The following RYK variants were observed in gnomAD, a reference collection of about 807,000 sequenced individuals.
RYK encodes the protein inactive tyrosine-protein kinase RYK.
In RYK, 21 loss-of-function variants were observed where a neutral mutation model predicts 70.2. That is an observed-to-expected ratio of 0.30 (90% CI 0.21 to 0.43). The LOEUF is 0.43. RYK is among the 20% of genes least tolerant of loss of function. RYK has a pLI of 1.00. For synonymous variants in RYK, 267 were observed against 278.0 expected, an observed-to-expected ratio of 0.96 and a Z score of 0.39; for missense variants, 604 against 753.3, an observed-to-expected ratio of 0.80 and a Z score of 2.32.
At chr3:134,238,837 C>G (rs2015251272) in intron 1 of RYK, among the ~76,000 whole-genome samples, 1 of 152,120 alleles carries the variant, frequency 6.6e-6, no homozygotes, top group South Asian at 2.1e-4. Context: ...GGAAAATAGA[C>G]TGGATAGGAC....
At chr3:134,180,731 G>A (rs192039138) in intron 10 of RYK, 1 of 152,250 alleles carries the variant, frequency 6.6e-6, no homozygotes, top group African/African-American at 2.4e-5. Context: ...TACAATGAAT[G>A]GAAAGAATAA....
Position 134,202,710 on chromosome 3 carries a change from T to C in RYK, c.788+20A>G. 6.2e-7 allele frequency: 1 copy of C among 1,607,700 alleles called. No individual in the cohort carries two copies. Among genetic ancestry groups the C allele is most frequent in the Non-Finnish European group, 8.5e-7 (1 of 1,178,180 alleles). On this transcript the variant is annotated intron_variant, in intron 6 of 14. Coordinates refer to ENST00000623711, the MANE Select transcript of RYK (RefSeq NM_002958.4). ...AATAACTGCTTTCATTTTTTTTCTTTCCCAAAATATGTACAATACCTGTCA... is the reference window on the plus strand; with the variant it reads ...AATAACTGCTTTCATTTTTTTTCTTCCCCAAAATATGTACAATACCTGTCA...
chr3:134,213,449 T>C (rs1014987732), intron 2 of RYK, among the ~76,000 whole-genome samples: 4 of 152,234 alleles, frequency 2.6e-5, no homozygotes, highest in African/African-American at 9.6e-5. Flanking sequence ...AGCTACCTTA[T>C]TGCCATGCTG....
At chr3:134,215,798 G>GA (rs1212650279) in intron 2 of RYK, among the ~76,000 whole-genome samples, 10 of 152,288 alleles carry the variant, frequency 6.6e-5, no homozygotes, top group East Asian at 3.9e-4. Context: ...AGCATTCTGG[G>GA]AGGTCAATGC....
chr3:134,159,914 G>C (rs1353644937), intron 13 of RYK, among the ~76,000 whole-genome samples: 2 of 152,190 alleles, frequency 1.3e-5, no homozygotes, highest in Non-Finnish European at 2.9e-5. Context: ...AAAGGAACAG[G>C]AATAGTAAAC....
At chr3:134,167,605 C>A (rs1368338718) in intron 13 of RYK, among the ~76,000 whole-genome samples, 1 of 152,124 alleles carries the variant, frequency 6.6e-6, no homozygotes, top group East Asian at 1.9e-4. Flanking sequence ...CTTCCTTACA[C>A]CTTATACAAA....
intron 2 of RYK, among the ~76,000 whole-genome samples, chr3:134,215,946 GA>G (rs1369425508): frequency 6.6e-6 from 1 of 150,888 alleles, no homozygotes; most frequent in Non-Finnish European, 1.5e-5. Flanking sequence ...TAAGGCAGGA[GA>G]ATCACTTGAA....
chr3:134,221,226 ACAGAGTCTCACTCTGTCTCC>A (rs2014727396), intron 2 of RYK, among the ~76,000 whole-genome samples: 1 of 85,684 alleles, frequency 1.2e-5, no homozygotes. Flanking sequence ...TTTTTTTGAG[ACAGAGTCTCACTCTGTCTCC>A]CAGGATGGAG....
At chr3:134,224,959 A>G (rs189176743) in intron 1 of RYK, among the ~76,000 whole-genome samples, 14 of 151,428 alleles carry the variant, frequency 9.2e-5, no homozygotes, top group African/African-American at 3.1e-4. Context: ...TAGTATAACT[A>G]TTCTTGTTCT....
intron 5 of RYK, among the ~76,000 whole-genome samples, chr3:134,205,567 G>C (rs537121335): frequency 6.6e-5 from 10 of 152,268 alleles, no homozygotes; most frequent in Non-Finnish European, 1.5e-5. Flanking sequence ...CAGAGCCAAG[G>C]ATACGGCTCT....
chr3:134,241,903 T>C (rs774501240), intron 1 of RYK, among the ~76,000 whole-genome samples: 63 of 152,266 alleles, frequency 4.1e-4, no homozygotes, highest in South Asian at 8.3e-4. Flanking sequence ...ATATGTAAAG[T>C]ACCTGGCATA....
chr3:134,182,464 T>C (rs543922661), intron 10 of RYK, among the ~76,000 whole-genome samples: 76 of 152,292 alleles, frequency 5.0e-4, no homozygotes, highest in African/African-American at 1.8e-3. Flanking sequence ...TACTGAGATG[T>C]CTAATTTATT....
At chr3:134,180,130 G>A (rs1004032827) in intron 10 of RYK, 3 of 152,118 alleles carry the variant, frequency 2.0e-5, no homozygotes, top group African/African-American at 7.2e-5. Context: ...GTCTTGTTGA[G>A]GGCGTTTGCA....
chr3:134,232,542 T>C (rs1215897750), intron 1 of RYK, among the ~76,000 whole-genome samples: 1 of 152,210 alleles, frequency 6.6e-6, no homozygotes, highest in African/African-American at 2.4e-5. Flanking sequence ...AAATTTAAAA[T>C]TCACTACCAT....
Position 134,196,579 on chromosome 3 carries a change from CAA to C in RYK, c.789-1399_789-1398del, listed in dbSNP as rs756778503. On this transcript the variant is annotated intron_variant, in intron 6 of 14. Transcript: ENST00000623711. ...ACATAGTGAGACCCTGTCTCTGAAA[CAA>C]AACACACACACACACACACACACAC... is the stretch of plus-strand genomic sequence containing the variant. Among the ~76,000 whole-genome samples the C allele has an allele frequency of 5.4e-3, 633 of 117,256 alleles. 4 individuals carry two copies. Among genetic ancestry groups the C allele is most frequent in the African/African-American group, 0.015 (488 of 31,752 alleles). The allele number at this position is 117,256 out of a possible 152,430, so 76.9% of individuals were successfully genotyped here. A position where few individuals can be genotyped will look rare whatever the true frequency, so the allele number is the denominator to read the frequency against.
intron 4 of RYK, 39 bp downstream of exon 4, chr3:134,209,656 C>T (rs1689774804): frequency 7.4e-7 from 1 of 1,344,884 alleles, no homozygotes; most frequent in South Asian, 1.6e-5. Flanking sequence ...CACCTTCTCA[C>T]ATACATGTAA....
intron 1 of RYK, among the ~76,000 whole-genome samples, chr3:134,233,242 A>G (rs2015109909): frequency 6.6e-6 from 1 of 152,226 alleles, no homozygotes; most frequent in Admixed American, 6.5e-5. Flanking sequence ...AATTGCAGAA[A>G]TCTTGAGTGG....
At chr3:134,230,836 A>G (rs536366118) in intron 1 of RYK, among the ~76,000 whole-genome samples, 15 of 152,298 alleles carry the variant, frequency 9.8e-5, no homozygotes, top group African/African-American at 3.6e-4. Flanking sequence ...AGTTTAACTA[A>G]TTTTTTTAAA....
chr3:134,200,356 G>A (rs941834447), intron 6 of RYK, among the ~76,000 whole-genome samples: 1 of 152,090 alleles, frequency 6.6e-6, no homozygotes, highest in Non-Finnish European at 1.5e-5. Flanking sequence ...CACTCACTGC[G>A]AAGGTCTGCG....
Sources: allele counts gnomAD v4.1 joint callset (sites outside exome capture counted in the v4.1 genomes callset), GRCh38; gene constraint gnomAD v4.1.1; transcripts MANE v1.5; gene names NCBI Gene and HGNC (gene_info 2026-07-23, HGNC 2026-07-21).